FGF13: variants seen among roughly 807,000 people sequenced by gnomAD.
The protein encoded by FGF13 is fibroblast growth factor 13.
Under a neutral mutation model 19.5 loss-of-function variants are expected in FGF13, and 2 were observed. The ratio of observed to expected loss-of-function variants is 0.10; its 90% confidence interval spans 0.04 to 0.32. The LOEUF (loss-of-function observed/expected upper bound fraction) is 0.32. Ranked by LOEUF, FGF13 falls within the 10% of genes least tolerant of loss-of-function variation. The pLI is 1.00. For synonymous variants in FGF13, 72 were observed against 76.9 expected (o/e 0.94, Z 0.33); for missense variants, 113 against 192.7 (o/e 0.59, Z 2.45).
At chrX:138,810,797 C>T (rs1413397421) in intron 3 of FGF13, among the ~76,000 whole-genome samples, 1 of 112,157 alleles carries the variant, frequency 8.9e-6, no homozygotes, top group African/African-American at 3.2e-5. Flanking sequence ...TATGAACAGA[C>T]ACTGCTCAGA....
At chrX:138,984,513 A>G (rs1314683927) in intron 1 of FGF13, among the ~76,000 whole-genome samples, 91 of 25,250 alleles carry the variant, frequency 3.6e-3, no homozygotes, top group Non-Finnish European at 6.7e-3. Flanking sequence ...GAAGAAGAGG[A>G]AGAAGAAGAG....
chrX:139,113,921 T>C lies in FGF13; in HGVS notation c.-113+89495A>G, dbSNP rs140365708. Among the ~76,000 whole-genome samples the C allele has an allele frequency of 6.1e-3, 683 of 111,908 alleles. 1 individual carries two copies. The highest frequency in any genetic ancestry group is 9.1e-3 in the Non-Finnish European group (482 of 53,119). On this transcript the variant is annotated intron_variant, in intron 1 of 2. Transcript: ENST00000421460. ...GATTCTGGCTCCAATATTCTCAGATTCTCCGGTGTCTCTAGGCAAAGCAAA... is the reference window on the plus strand; with the variant it reads ...GATTCTGGCTCCAATATTCTCAGATCCTCCGGTGTCTCTAGGCAAAGCAAA...
chrX:139,072,268 T>C (rs1259004438), intron 1 of FGF13, among the ~76,000 whole-genome samples: 2 of 103,184 alleles, frequency 1.9e-5, no homozygotes, highest in Non-Finnish European at 3.9e-5. Context: ...TATCTCTCTC[T>C]CTCTCTCTAC....
intron 1 of FGF13, among the ~76,000 whole-genome samples, chrX:138,898,615 A>T (rs949972626): frequency 2.7e-5 from 3 of 111,922 alleles, no homozygotes; most frequent in African/African-American, 9.8e-5. Flanking sequence ...ATTTTGAAGC[A>T]TTCATAGATT....
intron 2 of FGF13, among the ~76,000 whole-genome samples, chrX:138,859,410 G>T (rs1422710027): frequency 1.8e-5 from 2 of 112,226 alleles, no homozygotes; most frequent in Admixed American, 1.9e-4. Flanking sequence ...CTGCTGTATA[G>T]AAAACATATT....
At chrX:138,900,444 C>A (rs1426889207) in intron 1 of FGF13, among the ~76,000 whole-genome samples, 1 of 110,810 alleles carries the variant, frequency 9.0e-6, no homozygotes, top group Non-Finnish European at 1.9e-5. Flanking sequence ...CTCCTTCCCA[C>A]ACACCCTCAA....
intron 1 of FGF13, among the ~76,000 whole-genome samples, chrX:138,997,526 C>T (rs1354397849): frequency 2.7e-5 from 3 of 111,418 alleles, no homozygotes; most frequent in African/African-American, 9.8e-5. Flanking sequence ...ACGAGAACTT[C>T]GAGAACCATA....
At chrX:139,181,695 A>G (rs1262649802) in intron 1 of FGF13, among the ~76,000 whole-genome samples, 2 of 112,634 alleles carry the variant, frequency 1.8e-5, no homozygotes, top group Non-Finnish European at 3.7e-5. Flanking sequence ...CCCACAGCCT[A>G]GTGAGGGAGA....
At chrX:138,644,044 T>C (rs1322309201) in intron 3 of FGF13, among the ~76,000 whole-genome samples, 1 of 111,731 alleles carries the variant, frequency 9.0e-6, no homozygotes, top group African/African-American at 3.3e-5. Context: ...GAAGTACATG[T>C]TATCAGGAGA....
Position 139,060,504 on chromosome X carries a change from A to T in FGF13, c.-113+142912T>A, listed in dbSNP as rs1383992993. 2.7e-5 allele frequency among the ~76,000 whole-genome samples: 3 copies of T among 111,789 alleles called. No homozygotes were observed. In the East Asian group the frequency reaches 8.4e-4, roughly 31 times the overall value. Reference sequence around the variant, plus strand: ...TTAGTCAATTTTGTCATTCCATTTAACAAAGTAGGGCAATTCCTAATGTGT... The same window carrying T: ...TTAGTCAATTTTGTCATTCCATTTATCAAAGTAGGGCAATTCCTAATGTGT... On this transcript the variant is annotated intron_variant, in intron 1 of 2. Transcript: ENST00000421460.
rs1299762295 is a variant in FGF13, at chrX:138,620,585, A to G, written c.*12265T>C. ...GGAAGAAAGAAACAAAAAAACTTAC[A>G]AAACAGCTGAAAAACATTTAACAAA... is the stretch of plus-strand genomic sequence containing the variant. On this transcript the variant is annotated 3_prime_UTR_variant, in exon 5 of 5. Coordinates refer to ENST00000315930, the MANE Select transcript of FGF13 (RefSeq NM_004114.5). 1 of 112,131 alleles carries G rather than the reference A, an allele frequency of 8.9e-6. No homozygotes were observed. The highest frequency in any genetic ancestry group is 1.9e-5 in the Non-Finnish European group (1 of 53,256). 9.2% of individuals were successfully genotyped at this position (112,131 alleles called of 1,213,427 possible). A position where few individuals can be genotyped will look rare whatever the true frequency, so the allele number is the denominator to read the frequency against.
At chrX:139,004,280 C>T (rs1352454668) in intron 1 of FGF13, among the ~76,000 whole-genome samples, 1 of 112,939 alleles carries the variant, frequency 8.9e-6, no homozygotes, top group Admixed American at 9.3e-5. Flanking sequence ...TGATAAGTCC[C>T]TCATTGCCCG....
intron 1 of FGF13, among the ~76,000 whole-genome samples, chrX:138,958,835 G>A (rs1258456551): frequency 9.0e-6 from 1 of 111,556 alleles, no homozygotes; most frequent in Admixed American, 9.5e-5. Context: ...TTCTCTGATG[G>A]TAGTTTGTAT....
chrX:139,100,041 A>AACAC (rs56821859), intron 1 of FGF13, among the ~76,000 whole-genome samples: 5,958 of 76,331 alleles, frequency 0.078, 262 homozygotes, highest in Non-Finnish European at 0.087. Flanking sequence ...GGGGAAAGCA[A>AACAC]ACACACACAC....
At chrX:139,187,245 C>T (rs765637242) in intron 1 of FGF13, among the ~76,000 whole-genome samples, 110 of 112,942 alleles carry the variant, frequency 9.7e-4, no homozygotes, top group African/African-American at 2.9e-3. Flanking sequence ...AGAAAGTCAA[C>T]ATGAGTGATA....
chrX:138,830,248 T>C (rs2091062057), intron 3 of FGF13, among the ~76,000 whole-genome samples: 1 of 111,690 alleles, frequency 9.0e-6, no homozygotes, highest in Admixed American at 9.5e-5. Flanking sequence ...GGGATTCTGG[T>C]GAAGGCTCAA....
At chrX:139,042,277 T>C (rs2092272316) in intron 1 of FGF13, among the ~76,000 whole-genome samples, 1 of 112,195 alleles carries the variant, frequency 8.9e-6, no homozygotes, top group Non-Finnish European at 1.9e-5. Context: ...TATCCAATGA[T>C]ACGGAACATG....
At chrX:139,198,417 A>T (rs1386169022) in intron 1 of FGF13, among the ~76,000 whole-genome samples, 2 of 111,626 alleles carry the variant, frequency 1.8e-5, no homozygotes, top group East Asian at 5.7e-4. Flanking sequence ...CAAGCAAGCA[A>T]CTTAGCTCTG....
At chrX:139,193,416 C>G (rs1369838556) in intron 1 of FGF13, among the ~76,000 whole-genome samples, 1 of 111,973 alleles carries the variant, frequency 8.9e-6, no homozygotes, top group African/African-American at 3.2e-5. Context: ...ATTTAGTGAG[C>G]ACTTGCTTTG....
Sources: gnomAD v4.1 joint callset for allele counts (sites outside exome capture counted in the v4.1 genomes callset) on GRCh38, gnomAD v4.1.1 for gene constraint, MANE v1.5 for transcripts, NCBI Gene and HGNC (gene_info 2026-07-23, HGNC 2026-07-21) for gene names.